The following CNTN4 variants were observed in gnomAD, a reference collection of about 807,000 sequenced individuals.
CNTN4 encodes the protein contactin-4.
CNTN4 carries 77 observed loss-of-function variants against 122.5 expected under a neutral mutation model. That is an observed-to-expected ratio of 0.63 (90% CI 0.52 to 0.76). The LOEUF (loss-of-function observed/expected upper bound fraction) is 0.76. Ranked by LOEUF, CNTN4 falls within the 30% of genes least tolerant of loss-of-function variation. CNTN4 has a pLI of 0.00. For synonymous variants in CNTN4, 512 were observed against 447.0 expected, an observed-to-expected ratio of 1.15 and a Z score of -1.83; for missense variants, 1,256 against 1,259.1, an observed-to-expected ratio of 1.00 and a Z score of 0.04.
At chr3:2,825,327 C>T (rs2092964071) in intron 7 of CNTN4, among the ~76,000 whole-genome samples, 1 of 151,758 alleles carries the variant, frequency 6.6e-6, no homozygotes, top group African/African-American at 2.4e-5. Flanking sequence ...CCAGTTCAAA[C>T]ATTCTCCCAC....
rs922188645 is a variant in CNTN4 at position 2,802,338 on chromosome 3, C to T, written c.359-17148C>T. 1.2e-4 allele frequency among the ~76,000 whole-genome samples: 19 copies of T among 152,202 alleles called. 1 individual carries two copies. The highest frequency in any genetic ancestry group is 6.2e-4 in the South Asian group (3 of 4,824). On this transcript the variant is annotated intron_variant, in intron 6 of 24. Transcript: ENST00000418658. Reference sequence around the variant, plus strand: ...TGAACAAAGTGACACTCTGCCTTCTCGTTTGAGCTCTAGGTGTACAAACAA... The same window carrying T: ...TGAACAAAGTGACACTCTGCCTTCTTGTTTGAGCTCTAGGTGTACAAACAA...
rs532529069 is a variant in CNTN4, at chr3:2,443,531, G to A, written c.-89+104298G>A. On this transcript the variant is annotated intron_variant, in intron 3 of 24. Coordinates refer to ENST00000418658, the MANE Select transcript of CNTN4 (RefSeq NM_175607.3). ...AAAGAGTCTGATGGCCTCTTGTAAC[G>A]TACATATTGAGCTTCCATAGCAAAG... Among the ~76,000 whole-genome samples, 104 of 152,262 alleles carry A rather than the reference G, an allele frequency of 6.8e-4. No homozygotes were observed. The Middle Eastern group carries it at 0.01, about 15-fold the overall frequency.
intron 2 of CNTN4, among the ~76,000 whole-genome samples, chr3:2,105,286 T>C (rs1424232467): frequency 6.6e-6 from 1 of 152,188 alleles, no homozygotes; most frequent in Non-Finnish European, 1.5e-5. Flanking sequence ...GCAAGGGGCA[T>C]GATGGAGCAA....
intron 9 of CNTN4, among the ~76,000 whole-genome samples, chr3:2,886,391 G>T (rs983614205): frequency 3.7e-5 from 5 of 134,792 alleles, no homozygotes; most frequent in Non-Finnish European, 6.3e-5. Context: ...GTGATACTCC[G>T]TCTCAAAATA....
intron 7 of CNTN4, among the ~76,000 whole-genome samples, chr3:2,826,386 A>G (rs2092989610): frequency 6.6e-6 from 1 of 152,204 alleles, no homozygotes; most frequent in Non-Finnish European, 1.5e-5. Context: ...AGGGTTCCAT[A>G]AATGTAATTT....
chr3:2,393,079 C>T (rs959535038), intron 3 of CNTN4, among the ~76,000 whole-genome samples: 1 of 152,110 alleles, frequency 6.6e-6, no homozygotes, highest in African/African-American at 2.4e-5. Flanking sequence ...GAGCTGTGAG[C>T]CACTGTTCCA....
At chr3:2,915,437 C>T (rs1341934901) in intron 12 of CNTN4, among the ~76,000 whole-genome samples, 1 of 152,148 alleles carries the variant, frequency 6.6e-6, no homozygotes, top group Non-Finnish European at 1.5e-5. Context: ...CTAATGAAAG[C>T]CTTATATGAA....
intron 6 of CNTN4, among the ~76,000 whole-genome samples, chr3:2,763,767 G>T (rs138273357): frequency 1.4e-3 from 208 of 152,218 alleles, no homozygotes; most frequent in African/African-American, 4.9e-3. Context: ...GGTTTTGTCA[G>T]GTTTGTTGAA....
intron 3 of CNTN4, among the ~76,000 whole-genome samples, chr3:2,453,041 T>C (rs1029521523): frequency 4.6e-5 from 7 of 152,150 alleles, no homozygotes; most frequent in African/African-American, 1.4e-4. Flanking sequence ...CTGAGTGAAA[T>C]AAAATGATAT....
intron 6 of CNTN4, among the ~76,000 whole-genome samples, chr3:2,816,820 C>CAAAAA (rs538762827): frequency 2.2e-4 from 16 of 73,234 alleles, no homozygotes; most frequent in Non-Finnish European, 3.4e-4. Context: ...ACTCTGTCTC[C>CAAAAA]AAAAAAAAAA....
At chr3:2,873,862 T>C (rs2093814032) in intron 8 of CNTN4, among the ~76,000 whole-genome samples, 1 of 152,220 alleles carries the variant, frequency 6.6e-6, no homozygotes, top group Non-Finnish European at 1.5e-5. Flanking sequence ...CATAATTTTA[T>C]ATTATTTAAG....
intron 3 of CNTN4, among the ~76,000 whole-genome samples, chr3:2,493,636 C>A (rs1441074855): frequency 6.6e-6 from 1 of 151,824 alleles, no homozygotes; most frequent in African/African-American, 2.4e-5. Context: ...CAACCAATAT[C>A]CTTTATTTCT....
chr3:2,748,963 A>G (rs1391420539), intron 6 of CNTN4, among the ~76,000 whole-genome samples: 1 of 152,100 alleles, frequency 6.6e-6, no homozygotes, highest in African/African-American at 2.4e-5. Flanking sequence ...CTGCCTGATC[A>G]GCTTTTCTCA....
At chr3:2,170,501 T>G (rs969856363) in intron 2 of CNTN4, among the ~76,000 whole-genome samples, 2 of 152,202 alleles carry the variant, frequency 1.3e-5, no homozygotes, top group African/African-American at 4.8e-5. Flanking sequence ...CACACTCTCC[T>G]CCTAAATGGG....
chr3:2,405,537 T>C (rs1328819093), intron 3 of CNTN4, among the ~76,000 whole-genome samples: 1 of 152,154 alleles, frequency 6.6e-6, no homozygotes, highest in Non-Finnish European at 1.5e-5. Flanking sequence ...TAACTATAGT[T>C]ATTTATTTAA....
intron 6 of CNTN4, among the ~76,000 whole-genome samples, chr3:2,803,946 T>C (rs1191622389): frequency 6.6e-6 from 1 of 151,996 alleles, no homozygotes; most frequent in Non-Finnish European, 1.5e-5. Flanking sequence ...AAAGGAATCA[T>C]GTTGAGTAAA....
intron 2 of CNTN4, among the ~76,000 whole-genome samples, chr3:2,282,580 G>A (rs2041758715): frequency 6.6e-6 from 1 of 152,070 alleles, no homozygotes; most frequent in Non-Finnish European, 1.5e-5. Context: ...AGCAAACAAA[G>A]CAAAACTATT....
intron 7 of CNTN4, among the ~76,000 whole-genome samples, chr3:2,858,954 A>T (rs1470053971): frequency 6.6e-6 from 1 of 152,226 alleles, no homozygotes; most frequent in Non-Finnish European, 1.5e-5. Flanking sequence ...CAAGAATAGA[A>T]TACATTATTA....
chr3:2,305,946 T>C (rs534147655), intron 2 of CNTN4, among the ~76,000 whole-genome samples: 2 of 152,310 alleles, frequency 1.3e-5, no homozygotes, highest in Admixed American at 6.5e-5. Context: ...TTAATCCATG[T>C]TATAGCATGT....
Sources: allele counts gnomAD v4.1 joint callset (sites outside exome capture counted in the v4.1 genomes callset), GRCh38; gene constraint gnomAD v4.1.1; transcripts MANE v1.5; gene names NCBI Gene and HGNC (gene_info 2026-07-23, HGNC 2026-07-21).